Variants in FGGY observed in about 807,000 individuals in gnomAD.
FGGY encodes FGGY carbohydrate kinase domain containing.
In FGGY, 72 loss-of-function variants were observed where a neutral mutation model predicts 71.3. The observed-to-expected ratio is 1.01, with a 90% CI of 0.84 to 1.23. FGGY has a LOEUF of 1.23. Among genes scored for constraint, FGGY ranks in the 50% most tolerant of loss-of-function variants. The pLI is 0.00. For missense variants in FGGY, 668 were observed against 682.3 expected, an observed-to-expected ratio of 0.98 and a Z score of 0.23; for synonymous variants, 251 against 250.3, an observed-to-expected ratio of 1.00 and a Z score of -0.02.
chr1:59,351,282 C>G (rs889049700), intron 4 of FGGY, among the ~76,000 whole-genome samples: 14 of 152,192 alleles, frequency 9.2e-5, no homozygotes, highest in Non-Finnish European at 2.1e-4. Flanking sequence ...TTGCCGACCC[C>G]TGGTCTTGAC....
In FGGY at chr1:59,648,165, T is replaced by G. The variant is rs1434865687; in HGVS notation, c.1221+9790T>G. Among the ~76,000 whole-genome samples, 14 of 116,712 alleles carry G rather than the reference T, an allele frequency of 1.2e-4. No homozygotes were observed. The South Asian group carries it at 3.5e-3, about 29-fold the overall frequency. The allele number at this position is 116,712 out of a possible 152,430, so 76.6% of individuals were successfully genotyped here. A position where few individuals can be genotyped will look rare whatever the true frequency, so the allele number is the denominator to read the frequency against. On this transcript the variant is annotated intron_variant, in intron 11 of 15. Coordinates refer to ENST00000303721, the MANE Select transcript of FGGY (RefSeq NM_018291.5). ...GTCTATCATTGTTGGACATTTGGGT[T>G]GGTTCCAAGTCTTTGCTATTGTGAA...
At chr1:59,526,896 G>GA (rs1158214123) in intron 7 of FGGY, among the ~76,000 whole-genome samples, 1 of 152,198 alleles carries the variant, frequency 6.6e-6, no homozygotes, top group Non-Finnish European at 1.5e-5. Flanking sequence ...TGCAAATGGG[G>GA]ATGGGAATAG....
chr1:59,366,705 GA>G (rs2056657112), intron 4 of FGGY, among the ~76,000 whole-genome samples: 1 of 150,878 alleles, frequency 6.6e-6, no homozygotes, highest in African/African-American at 2.4e-5. Flanking sequence ...TTTTTTTCAT[GA>G]GTTAGACTTG....
intron 8 of FGGY, among the ~76,000 whole-genome samples, chr1:59,591,429 G>GA (rs2096434195): frequency 6.6e-6 from 1 of 152,026 alleles, no homozygotes; most frequent in Non-Finnish European, 1.5e-5. Context: ...CACAGAATTG[G>GA]AAAAAACTAC....
intron 5 of FGGY, among the ~76,000 whole-genome samples, chr1:59,405,523 A>G (rs1245547007): frequency 6.6e-6 from 1 of 152,224 alleles, no homozygotes; most frequent in East Asian, 1.9e-4. Flanking sequence ...TCTGCATTGT[A>G]GGGGCTTAGT....
intron 4 of FGGY, among the ~76,000 whole-genome samples, chr1:59,358,918 G>A (rs2054868260): frequency 6.6e-6 from 1 of 152,162 alleles, no homozygotes; most frequent in South Asian, 2.1e-4. Context: ...AAGAAATTGA[G>A]GATGGAGGGA....
intron 14 of FGGY, among the ~76,000 whole-genome samples, chr1:59,738,025 G>A (rs1171660948): frequency 1.3e-5 from 2 of 152,198 alleles, no homozygotes; most frequent in African/African-American, 4.8e-5. Context: ...AGTAAAAGAA[G>A]AGTCTAGAGC....
At chr1:59,542,896 C>G (rs746723569) in intron 7 of FGGY, among the ~76,000 whole-genome samples, 1 of 152,156 alleles carries the variant, frequency 6.6e-6, no homozygotes, top group East Asian at 1.9e-4. Context: ...CTCACAGGCA[C>G]TCATTCCCTA....
chr1:59,322,264 T>A (rs1451774161), intron 2 of FGGY, among the ~76,000 whole-genome samples: 1 of 150,288 alleles, frequency 6.7e-6, no homozygotes, highest in East Asian at 1.9e-4. Context: ...GCAGTCTGAC[T>A]CCAGAGGTGC....
At chr1:59,397,659 C>T (rs1382226618) in intron 5 of FGGY, among the ~76,000 whole-genome samples, 1 of 150,028 alleles carries the variant, frequency 6.7e-6, no homozygotes, top group Non-Finnish European at 1.5e-5. Flanking sequence ...TCCCACTTCA[C>T]AGGTGGGTGG....
intron 3 of FGGY, among the ~76,000 whole-genome samples, chr1:59,343,897 G>A (rs568860714): frequency 2.0e-5 from 3 of 152,202 alleles, no homozygotes; most frequent in Admixed American, 1.3e-4. Flanking sequence ...TTACCTTAAA[G>A]TAGCTGTAGA....
chr1:59,392,006 C>T lies in FGGY; in HGVS notation c.554+13169C>T, dbSNP rs547939070. Among the ~76,000 whole-genome samples, 4 of 152,234 alleles carry T rather than the reference C, an allele frequency of 2.6e-5. No individual in the cohort carries two copies. In the South Asian group the frequency reaches 8.3e-4, roughly 32 times the overall value. On this transcript the variant is annotated intron_variant, in intron 5 of 15. Coordinates refer to ENST00000303721, the MANE Select transcript of FGGY (RefSeq NM_018291.5). ...ACAGAACTGAAACTCAGAAGGGTTT[C>T]ATTCTGAGGGTGAAGCCAGTGTGTG...
intron 8 of FGGY, among the ~76,000 whole-genome samples, chr1:59,600,063 T>C (rs2096562195): frequency 6.6e-6 from 1 of 152,124 alleles, no homozygotes; most frequent in African/African-American, 2.4e-5. Flanking sequence ...GAGTGACGCT[T>C]AAGAGAGTAC....
intron 11 of FGGY, among the ~76,000 whole-genome samples, chr1:59,658,351 G>A (rs2097241285): frequency 6.6e-6 from 1 of 152,170 alleles, no homozygotes; most frequent in Admixed American, 6.5e-5. Flanking sequence ...AATGGCTTAG[G>A]ATGATTCAGC....
At chr1:59,541,457 T>A (rs1436569534) in intron 7 of FGGY, among the ~76,000 whole-genome samples, 2 of 152,032 alleles carry the variant, frequency 1.3e-5, no homozygotes, top group Non-Finnish European at 2.9e-5. Flanking sequence ...CCTGGCAAGA[T>A]GGTAGCTGCT....
intron 4 of FGGY, among the ~76,000 whole-genome samples, chr1:59,373,695 G>C (rs1178776003): frequency 6.6e-6 from 1 of 152,092 alleles, no homozygotes; most frequent in Non-Finnish European, 1.5e-5. Flanking sequence ...CATGGTACTG[G>C]TACCAAAACA....
In FGGY at chr1:59,757,148, A is replaced by G. The variant is rs762629669; in HGVS notation, c.1513-783A>G. Among the ~76,000 whole-genome samples the G allele has an allele frequency of 3.4e-4, 51 of 152,198 alleles. 2 individuals carry two copies. In the Middle Eastern group the frequency reaches 0.024, roughly 71 times the overall value. On this transcript the variant is annotated intron_variant, in intron 14 of 15. Transcript: ENST00000303721. ...GAGCTTTGTCGTGCTGTTGCTTGCA[A>G]TCTTCCCTGGCCAGGTCTGTTGGAC...
chr1:59,596,469 A>T (rs1193479570), intron 8 of FGGY, among the ~76,000 whole-genome samples: 11 of 151,888 alleles, frequency 7.2e-5, no homozygotes, highest in Non-Finnish European at 1.5e-4. Flanking sequence ...TCCAAAAAAA[A>T]AAAAAAGTGA....
intron 8 of FGGY, 36 bp downstream of exon 8, chr1:59,554,263 C>A: frequency 6.5e-7 from 1 of 1,529,630 alleles, no homozygotes; most frequent in Non-Finnish European, 9.0e-7. Context: ...GGCCACCACA[C>A]AGCAGGAGGT....
Sources: allele counts gnomAD v4.1 joint callset (sites outside exome capture counted in the v4.1 genomes callset), GRCh38; gene constraint gnomAD v4.1.1; transcripts MANE v1.5; gene names NCBI Gene and HGNC (gene_info 2026-07-23, HGNC 2026-07-21).